LPP: variants seen among roughly 807,000 people sequenced by gnomAD.
LPP encodes lipoma-preferred partner.
Under a neutral mutation model 60.4 loss-of-function variants are expected in LPP, and 38 were observed. That is an observed-to-expected ratio of 0.63 (90% CI 0.49 to 0.83). The LOEUF (loss-of-function observed/expected upper bound fraction) is 0.83. LPP is among the 40% of genes least tolerant of loss of function. The pLI is 0.00. For synonymous variants in LPP, 328 were observed against 290.8 expected (o/e 1.13, Z -1.30); for missense variants, 902 against 783.6 (o/e 1.15, Z -1.80).
rs777278563 is a variant in LPP, at chr3:188,609,199, C to T, written c.468C>T (p.Thr156=). 47 of 1,613,496 alleles carry T rather than the reference C, an allele frequency of 2.9e-5. No homozygotes were observed. Among genetic ancestry groups the T allele is most frequent in the Non-Finnish European group, 3.7e-5 (44 of 1,179,788 alleles). The change falls in exon 7 of 12, where the codon ACC becomes ACT. Residue 156 remains threonine, a synonymous_variant. Coordinates refer to ENST00000617246, the MANE Select transcript of LPP (RefSeq NM_001375462.1). This position sits in a 1 kb window ranked among gnomAD's most constrained non-coding sequence, Gnocchi z 6.9. ...TGSTASPPVS[T]PVTGHKRMVI... ...CAACAGCCTCTCCTCCAGTTTCGAC[C>T]CCAGTCACAGGACACAAGAGAATGG...
intron 9 of LPP, among the ~76,000 whole-genome samples, chr3:188,842,946 A>G (rs567116108): frequency 2.4e-4 from 36 of 152,160 alleles, no homozygotes; most frequent in Non-Finnish European, 5.0e-4. Context: ...AATTATTTCT[A>G]TATGTTCTTT....
intron 9 of LPP, among the ~76,000 whole-genome samples, chr3:188,765,861 CTTTTTTTTTTTT>C (rs71169019): frequency 0.012 from 1,105 of 92,624 alleles, 13 homozygotes; most frequent in Middle Eastern, 0.039. Context: ...ATGTTCAACT[CTTTTTTTTTTTT>C]TTTTTTTTTT....
At chr3:188,185,462 A>G (rs942484118) in intron 1 of LPP, among the ~76,000 whole-genome samples, 2 of 151,220 alleles carry the variant, frequency 1.3e-5, no homozygotes, top group Non-Finnish European at 2.9e-5. Context: ...TTTTCCCCCT[A>G]TATACCCCAC....
At chr3:188,592,557 G>GTTTTTTTGTTTTTTTTTTTTTTTT (rs1553936333) in intron 6 of LPP, among the ~76,000 whole-genome samples, 1 of 85,756 alleles carries the variant, frequency 1.2e-5, no homozygotes, top group African/African-American at 4.5e-5. Context: ...TTTTGTTTTT[G>GTTTTTTTGTTTTTTTTTTTTTTTT]TTTTTTAAAT....
In LPP at chr3:188,760,249, G is replaced by A. The variant is rs1731742747; in HGVS notation, c.1377G>A (p.Val459=). 1.1e-5 allele frequency: 17 copies of A among 1,614,118 alleles called. No individual in the cohort carries two copies. The highest frequency in any genetic ancestry group is 1.4e-5 in the Non-Finnish European group (17 of 1,179,998). ...NKLRGQPFYA[V]EKKAYCEPCY... is the part of the protein sequence containing the mutation. ...TCCGAGGGCAGCCATTCTATGCTGTGGAAAAGAAAGCATACTGCGAGCCCT... is the reference window on the plus strand; with the variant it reads ...TCCGAGGGCAGCCATTCTATGCTGTAGAAAAGAAAGCATACTGCGAGCCCT... The change falls in exon 9 of 12, where the codon GTG becomes GTA. Residue 459 remains valine (V), a synonymous_variant. Transcript: ENST00000617246.
At chr3:188,844,212 C>G (rs987275578) in intron 9 of LPP, among the ~76,000 whole-genome samples, 1 of 152,118 alleles carries the variant, frequency 6.6e-6, no homozygotes, top group Admixed American at 6.5e-5. Context: ...TTCTTTCTTT[C>G]TGATTTGTAG....
intron 2 of LPP, among the ~76,000 whole-genome samples, chr3:188,234,978 C>T (rs1721366113): frequency 6.6e-6 from 1 of 152,160 alleles, no homozygotes; most frequent in East Asian, 1.9e-4. Flanking sequence ...GCAAAAAGCC[C>T]AATTGCATGA....
intron 7 of LPP, among the ~76,000 whole-genome samples, chr3:188,671,815 G>A (rs531602981): frequency 1.3e-5 from 2 of 152,278 alleles, no homozygotes; most frequent in East Asian, 3.9e-4. Context: ...GAGACTCTAG[G>A]CCCGGAATGG....
intron 4 of LPP, among the ~76,000 whole-genome samples, chr3:188,424,290 C>G (rs988799652): frequency 1.5e-4 from 23 of 152,080 alleles, no homozygotes; most frequent in African/African-American, 5.3e-4. Context: ...TTTCTGAGGC[C>G]TCTGTTCTGT....
intron 5 of LPP, among the ~76,000 whole-genome samples, chr3:188,495,376 A>G (rs1809891876): frequency 6.6e-6 from 1 of 151,520 alleles, no homozygotes; most frequent in Non-Finnish European, 1.5e-5. Flanking sequence ...AATACATTAT[A>G]ACAGCACAAG....
At chr3:188,408,170 A>G (rs535619359) in intron 4 of LPP, among the ~76,000 whole-genome samples, 11 of 152,238 alleles carry the variant, frequency 7.2e-5, no homozygotes, top group Non-Finnish European at 1.6e-4. Flanking sequence ...GGAAAGCTTC[A>G]GTGGACCTCT....
Position 188,745,838 on chromosome 3 carries a change from T to C in LPP, c.1241-14275T>C, listed in dbSNP as rs1044395262. Among the ~76,000 whole-genome samples the C allele has an allele frequency of 2.0e-4, 30 of 152,100 alleles. 1 individual carries two copies. Among genetic ancestry groups the C allele is most frequent in the Admixed American group, 7.2e-4 (11 of 15,272 alleles). ...ACTGTGGAGTTCTTTGGAGCATACT[T>C]TGAAAGCCTCTAATTCTATTCCACG... On this transcript the variant is annotated intron_variant, in intron 8 of 11. Transcript: ENST00000617246.
intron 2 of LPP, among the ~76,000 whole-genome samples, chr3:188,241,909 T>G (rs1725024385): frequency 6.6e-6 from 1 of 152,218 alleles, no homozygotes; most frequent in African/African-American, 2.4e-5. Flanking sequence ...GCTAGGCATA[T>G]GGAATAAAGG....
intron 9 of LPP, among the ~76,000 whole-genome samples, chr3:188,765,533 T>C (rs895383204): frequency 1.3e-5 from 2 of 152,130 alleles, no homozygotes; most frequent in Non-Finnish European, 2.9e-5. Context: ...TTGCATGCTG[T>C]CATACCTAGT....
intron 6 of LPP, among the ~76,000 whole-genome samples, chr3:188,586,292 C>CA (rs1237541765): frequency 7.2e-5 from 11 of 151,874 alleles, no homozygotes; most frequent in Admixed American, 3.3e-4. Flanking sequence ...TAAATGCCAG[C>CA]AACAAAATTT....
intron 3 of LPP, among the ~76,000 whole-genome samples, chr3:188,374,984 G>A (rs1487669441): frequency 3.3e-5 from 5 of 152,084 alleles, no homozygotes; most frequent in African/African-American, 1.2e-4. Flanking sequence ...TTTGTCTTTG[G>A]TTCTGTTTAT....
chr3:188,856,949 G>A (rs1226187580), intron 9 of LPP, among the ~76,000 whole-genome samples: 2 of 152,118 alleles, frequency 1.3e-5, no homozygotes, highest in Non-Finnish European at 2.9e-5. Context: ...TTTTTCATTG[G>A]CTATGTAAGT....
intron 8 of LPP, among the ~76,000 whole-genome samples, chr3:188,737,348 C>G (rs887294855): frequency 2.0e-5 from 3 of 152,124 alleles, no homozygotes; most frequent in Non-Finnish European, 2.9e-5. Flanking sequence ...TTGAGGTTCT[C>G]TCTTCTGGCT....
chr3:188,323,792 G>A (rs961261987), intron 2 of LPP, among the ~76,000 whole-genome samples: 1 of 152,210 alleles, frequency 6.6e-6, no homozygotes, highest in African/African-American at 2.4e-5. Context: ...CCCCAAGTGG[G>A]CATCTTATTC....
Sources: gnomAD v4.1 joint callset for allele counts (sites outside exome capture counted in the v4.1 genomes callset) on GRCh38, gnomAD v4.1.1 for gene constraint, Gnocchi (gnomAD v3.1) non-coding constraint, MANE v1.5 for transcripts, NCBI Gene and HGNC (gene_info 2026-07-23, HGNC 2026-07-21) for gene names.